EIF4EBP1: variants seen among roughly 807,000 people sequenced by gnomAD.
The protein encoded by EIF4EBP1 is eukaryotic translation initiation factor 4E-binding protein 1.
EIF4EBP1 carries 5 observed loss-of-function variants against 9.2 expected under a neutral mutation model. The observed-to-expected ratio is 0.54, with a 90% CI of 0.28 to 1.14. The LOEUF is 1.14. Ranked by LOEUF, EIF4EBP1 falls within the 50% of genes most tolerant of loss-of-function variation. The pLI is 0.09. For missense variants in EIF4EBP1, 139 were observed against 169.6 expected (o/e 0.82, Z 1.00); for synonymous variants, 62 against 67.0 (o/e 0.93, Z 0.36).
intron 1 of EIF4EBP1, among the ~76,000 whole-genome samples, chr8:38,033,240 A>G (rs1412937599): frequency 4.0e-5 from 6 of 151,074 alleles, no homozygotes; most frequent in Admixed American, 6.6e-5. Flanking sequence ...TGATTTTTGT[A>G]TTTTTTGGTA....
In EIF4EBP1 at chr8:38,057,252, G is replaced by C. The variant is rs766936693; in HGVS notation, c.317G>C (p.Arg106Pro). Residue 106 changes from arginine to proline, a missense_variant, in exon 2 of 3, where the codon CGG (arginine) becomes CCG (proline). Coordinates refer to ENST00000338825, the MANE Select transcript of EIF4EBP1 (RefSeq NM_004095.4). ...SHLRNSPEDK[R>P]AGGEESQFEM... Reference sequence around the variant, plus strand: ...CTGCGCAATAGCCCAGAAGATAAGCGGGCGGGCGGTGAGTGTCGGGGCTTG... The same window carrying C: ...CTGCGCAATAGCCCAGAAGATAAGCCGGCGGGCGGTGAGTGTCGGGGCTTG... 3 of 1,539,672 alleles carry C rather than the reference G, an allele frequency of 1.9e-6. No individual in the cohort carries two copies. The highest frequency in any genetic ancestry group is 2.6e-6 in the Non-Finnish European group (3 of 1,145,212).
At chr8:38,057,337 C>T (rs922555856) in intron 2 of EIF4EBP1, 77 bp downstream of exon 2, 10 of 1,489,862 alleles carry the variant, frequency 6.7e-6, no homozygotes, top group Admixed American at 2.2e-5. Context: ...CCACTGGGGG[C>T]AATTCCAGGG....
At chr8:38,034,412 C>T (rs557384622) in intron 1 of EIF4EBP1, among the ~76,000 whole-genome samples, 1 of 152,170 alleles carries the variant, frequency 6.6e-6, no homozygotes, top group Admixed American at 6.6e-5. Context: ...GGTTAGCTGT[C>T]CAGAGTACTT....
intron 2 of EIF4EBP1, among the ~76,000 whole-genome samples, chr8:38,057,626 G>A (rs1390983781): frequency 6.6e-6 from 1 of 152,214 alleles, no homozygotes; most frequent in Non-Finnish European, 1.5e-5. Context: ...CATGATGTTT[G>A]TGGTGCAAGA....
chr8:38,048,701 G>A (rs1019606123), intron 1 of EIF4EBP1, among the ~76,000 whole-genome samples: 1 of 152,180 alleles, frequency 6.6e-6, no homozygotes, highest in South Asian at 2.1e-4. Flanking sequence ...ATGGCCAGGT[G>A]CAGTGGCTCA....
chr8:38,047,039 C>T (rs1809456837), intron 1 of EIF4EBP1, among the ~76,000 whole-genome samples: 1 of 152,172 alleles, frequency 6.6e-6, no homozygotes, highest in Admixed American at 6.6e-5. Flanking sequence ...CCTCCCTCAC[C>T]CCTCGGGCAC....
intron 1 of EIF4EBP1, among the ~76,000 whole-genome samples, chr8:38,053,174 C>T (rs983401464): frequency 2.0e-5 from 3 of 152,002 alleles, no homozygotes; most frequent in African/African-American, 2.4e-5. Flanking sequence ...TGTGCCACCA[C>T]GCCCAGCTAA....
chr8:38,035,006 G>A (rs890234292), intron 1 of EIF4EBP1, among the ~76,000 whole-genome samples: 6 of 152,160 alleles, frequency 3.9e-5, no homozygotes, highest in African/African-American at 1.4e-4. Flanking sequence ...TGTAATCCCA[G>A]CTATTAGGAA....
At chr8:38,045,560 C>T (rs1809438765) in intron 1 of EIF4EBP1, among the ~76,000 whole-genome samples, 1 of 151,096 alleles carries the variant, frequency 6.6e-6, no homozygotes, top group South Asian at 2.1e-4. Flanking sequence ...AAAAAATTAG[C>T]TGGGCATGGT....
chr8:38,052,634 C>T (rs912924348), intron 1 of EIF4EBP1, among the ~76,000 whole-genome samples: 1 of 151,894 alleles, frequency 6.6e-6, no homozygotes, highest in African/African-American at 2.4e-5. Context: ...AGGAGAATTG[C>T]TTGAACCCAG....
chr8:38,051,529 AG>A (rs1228320013), intron 1 of EIF4EBP1, among the ~76,000 whole-genome samples: 2 of 152,124 alleles, frequency 1.3e-5, no homozygotes, highest in Non-Finnish European at 2.9e-5. Context: ...CAGTGTACAG[AG>A]GGGTCCAAGA....
intron 1 of EIF4EBP1, among the ~76,000 whole-genome samples, chr8:38,048,960 T>C (rs1293192964): frequency 6.6e-6 from 1 of 151,662 alleles, no homozygotes; most frequent in Non-Finnish European, 1.5e-5. Context: ...ACCCCATCTC[T>C]ACTAAAAATA....
chr8:38,057,864 G>A (rs1168687805), intron 2 of EIF4EBP1, among the ~76,000 whole-genome samples: 2 of 152,200 alleles, frequency 1.3e-5, no homozygotes, highest in Non-Finnish European at 2.9e-5. Flanking sequence ...CTGTGGTAGT[G>A]GTGTAAGTGA....
Position 38,057,091 on chromosome 8 carries a change from C to T in EIF4EBP1, c.156C>T (p.Ile52=), listed in dbSNP as rs1468100078. 6.2e-7 allele frequency: 1 copy of T among 1,614,152 alleles called. No individual in the cohort carries two copies. The highest frequency in any genetic ancestry group is 1.1e-5 in the South Asian group (1 of 91,076). The change falls in exon 2 of 3, where the codon ATC becomes ATT. Residue 52 remains isoleucine, a synonymous_variant. Coordinates refer to ENST00000338825, the MANE Select transcript of EIF4EBP1 (RefSeq NM_004095.4). The part of the protein sequence containing the change: ...LFSTTPGGTR[I]IYDRKFLMEC... ...CCTGTTCCCTTCTAGGTACCAGGAT[C>T]ATCTATGACCGGAAATTCCTGATGG...
chr8:38,056,028 C>CA, intron 1 of EIF4EBP1, among the ~76,000 whole-genome samples: 1 of 149,020 alleles, frequency 6.7e-6, no homozygotes, highest in East Asian at 2.0e-4. Flanking sequence ...GCATTTCTCT[C>CA]TTTTTTTTTT....
intron 1 of EIF4EBP1, among the ~76,000 whole-genome samples, chr8:38,034,239 G>A (rs907440139): frequency 4.6e-5 from 7 of 151,830 alleles, no homozygotes; most frequent in African/African-American, 1.5e-4. Context: ...GTAGAGGCAG[G>A]GTCTCTATGT....
At chr8:38,041,089 C>T (rs555330375) in intron 1 of EIF4EBP1, among the ~76,000 whole-genome samples, 3 of 152,130 alleles carry the variant, frequency 2.0e-5, no homozygotes, top group Admixed American at 6.5e-5. Flanking sequence ...CGTGAGCCAT[C>T]GCGCCTGGCC....
chr8:38,044,651 G>C (rs955979208), intron 1 of EIF4EBP1, among the ~76,000 whole-genome samples: 2 of 152,186 alleles, frequency 1.3e-5, no homozygotes, highest in Non-Finnish European at 2.9e-5. Context: ...TGTTGCCCAG[G>C]CTGGTCTCAA....
intron 1 of EIF4EBP1, among the ~76,000 whole-genome samples, chr8:38,051,401 A>G (rs1383104447): frequency 6.6e-6 from 1 of 152,086 alleles, no homozygotes; most frequent in Non-Finnish European, 1.5e-5. Flanking sequence ...GGTGTTTGGC[A>G]TGACTTTTGA....
Sources: allele counts gnomAD v4.1 joint callset (sites outside exome capture counted in the v4.1 genomes callset), GRCh38; gene constraint gnomAD v4.1.1; transcripts MANE v1.5; gene names NCBI Gene and HGNC (gene_info 2026-07-23, HGNC 2026-07-21).